The following DDX25 variants were observed in gnomAD, a reference collection of about 807,000 sequenced individuals.
DDX25 encodes DEAD-box helicase 25.
DDX25 carries 70 observed loss-of-function variants against 64.6 expected under a neutral mutation model. The observed-to-expected ratio is 1.08, with a 90% CI of 0.89 to 1.32. The LOEUF is 1.32. Among genes scored for constraint, DDX25 ranks in the 40% most tolerant of loss-of-function variants. DDX25 has a pLI of 0.00. For missense variants in DDX25, 587 were observed against 604.4 expected (o/e 0.97, Z 0.30); for synonymous variants, 211 against 213.3 (o/e 0.99, Z 0.09).
chr11:125,908,188 T>C lies in DDX25; in HGVS notation c.312-8T>C. 6.3e-7 allele frequency: 1 copy of C among 1,587,602 alleles called. No homozygotes were observed. Among genetic ancestry groups the C allele is most frequent in the Non-Finnish European group, 8.6e-7 (1 of 1,166,914 alleles). ...AATCTGTAAGTGTTTGATTTTTTTTTTTGACAGAAAGGAAGAGTTACTAAA... is the reference window on the plus strand; with the variant it reads ...AATCTGTAAGTGTTTGATTTTTTTTCTTGACAGAAAGGAAGAGTTACTAAA... On this transcript the variant is annotated splice_polypyrimidine_tract_variant and splice_region_variant and intron_variant, in intron 4 of 11. Coordinates refer to ENST00000263576, the MANE Select transcript of DDX25 (RefSeq NM_013264.5).
In DDX25 at chr11:125,910,410, G is replaced by T; in HGVS notation, c.554G>T (p.Arg185Leu). 1 of 1,613,984 alleles carries T rather than the reference G, an allele frequency of 6.2e-7. No individual in the cohort carries two copies. The highest frequency in any genetic ancestry group is 1.1e-5 in the South Asian group (1 of 91,080). Residue 185 changes from arginine (R) to leucine (L), a missense_variant, in exon 7 of 12, where the codon CGT becomes CTT. Arg to Leu is a moderately radical substitution (Grantham distance 102, BLOSUM62 -2). Transcript: ENST00000263576. ...TATGAATTGGCTCTGCAAACTGGCC[G>T]TGTGGTTGAGCAGATGGGAAAATTC... ...PTYELALQTG[R>L]VVEQMGKFCV...
At chr11:125,906,269 C>T (rs768168664) in intron 4 of DDX25, 60 bp downstream of exon 4, 1 of 1,473,882 alleles carries the variant, frequency 6.8e-7, no homozygotes, top group East Asian at 2.6e-5. Context: ...ACAAACGCAT[C>T]TGCTTATAGT....
chr11:125,914,372 C>G (rs1328888517), intron 8 of DDX25, among the ~76,000 whole-genome samples: 1 of 152,192 alleles, frequency 6.6e-6, no homozygotes, highest in Non-Finnish European at 1.5e-5. Context: ...TGCTGACATT[C>G]TGGGAGCAAG....
chr11:125,922,513 G>A, intron 11 of DDX25: 1 of 293,314 alleles, frequency 3.4e-6, no homozygotes, highest in Non-Finnish European at 6.3e-6. Context: ...CTGTCGCTAT[G>A]GTGAGCTTCT....
chr11:125,904,668 C>A, intron 1 of DDX25, 88 bp downstream of exon 1: 1 of 1,375,840 alleles, frequency 7.3e-7, no homozygotes, highest in Non-Finnish European at 9.7e-7. Flanking sequence ...AGGGAGAGCC[C>A]GCGAGCGTTC....
intron 8 of DDX25, among the ~76,000 whole-genome samples, chr11:125,915,691 A>G (rs1354556411): frequency 6.6e-6 from 1 of 152,228 alleles, no homozygotes; most frequent in Non-Finnish European, 1.5e-5. Context: ...TGTGGAATGC[A>G]GAGTTTTCCT....
chr11:125,911,438 T>G lies in DDX25; in HGVS notation c.750T>G (p.Asp250Glu). 1 of 1,614,000 alleles carries G rather than the reference T, an allele frequency of 6.2e-7. No individual in the cohort carries two copies. Among genetic ancestry groups the G allele is most frequent in the Non-Finnish European group, 8.5e-7 (1 of 1,179,874 alleles). Residue 250 changes from aspartate (D) to glutamate (E), a missense_variant, in exon 8 of 12, where the codon GAT (aspartate) becomes GAG (glutamate). Asp to Glu is a conservative substitution (Grantham distance 45, BLOSUM62 2). Transcript: ENST00000263576. Reference protein sequence around the residue: ...KIRVFVLDEADVMIDTQGFSD... With the variant: ...KIRVFVLDEAEVMIDTQGFSD... ...GTGTGTTTGTCCTGGATGAAGCAGA[T>G]GTGATGATTGACACTCAAGGATTCT...
chr11:125,910,480 T>C lies in DDX25; in HGVS notation c.622+2T>C. The C allele has an allele frequency of 6.2e-7, 1 of 1,613,512 alleles. No homozygotes were observed. ...TGTATGCCATTCGAGGGAATCGAAG[T>C]ATGTACCAGTAAGCCAGTCCTGGCT... On this transcript the variant is annotated splice_donor_variant, in intron 7 of 11. Transcript: ENST00000263576. LOFTEE classifies it high-confidence loss of function.
chr11:125,915,372 TATCTC>T, intron 8 of DDX25, among the ~76,000 whole-genome samples: 1 of 152,062 alleles, frequency 6.6e-6, no homozygotes, highest in Middle Eastern at 3.4e-3. Context: ...TGTATCAAAA[TATCTC>T]TTCAACAAGT....
chr11:125,906,542 T>G (rs1200018773), intron 4 of DDX25, among the ~76,000 whole-genome samples: 1 of 151,978 alleles, frequency 6.6e-6, no homozygotes, highest in Non-Finnish European at 1.5e-5. Flanking sequence ...AAAATATAGC[T>G]CAGGCCAGGC....
Position 125,922,976 on chromosome 11 carries a change from C to A in DDX25, c.*95C>A. 8.8e-7 allele frequency: 1 copy of A among 1,131,366 alleles called. No homozygotes were observed. Among genetic ancestry groups the A allele is most frequent in the Non-Finnish European group, 1.2e-6 (1 of 802,954 alleles). The allele number at this position is 1,131,366 out of a possible 1,614,324, so 70.1% of individuals were successfully genotyped here. ...TTTTTTTATGTTGAGGCTTTTTCGA[C>A]GTGAAACTGTCACAGATGGCAAAAT... On this transcript the variant is annotated 3_prime_UTR_variant, in exon 12 of 12. Coordinates refer to ENST00000263576, the MANE Select transcript of DDX25 (RefSeq NM_013264.5).
At chr11:125,922,641 C>G in intron 11 of DDX25, 179 bp from the exon 12 acceptor site, 1 of 523,072 alleles carries the variant, frequency 1.9e-6, no homozygotes, top group Admixed American at 3.6e-5. Context: ...ATTCCATGGT[C>G]TGGTGCATTT....
chr11:125,904,228 C>A (rs571784692), upstream of DDX25: 40 of 310,354 alleles, frequency 1.3e-4, no homozygotes, highest in Non-Finnish European at 1.9e-4. Context: ...CTCCACTCTG[C>A]GGAAGCTGCC....
chr11:125,920,378 A>G (rs538366282), intron 10 of DDX25, among the ~76,000 whole-genome samples: 1 of 152,216 alleles, frequency 6.6e-6, no homozygotes, highest in Non-Finnish European at 1.5e-5. Flanking sequence ...CAGAGGTTGC[A>G]GTGAGCCAAG....
intron 4 of DDX25, among the ~76,000 whole-genome samples, chr11:125,907,417 G>C (rs533679859): frequency 6.6e-6 from 1 of 152,112 alleles, no homozygotes; most frequent in Admixed American, 6.5e-5. Context: ...GACCATCCTG[G>C]CTAACACAGT....
In DDX25 at chr11:125,917,566, G is replaced by A. The variant is rs12794472; in HGVS notation, c.1038+315G>A. Among the ~76,000 whole-genome samples, 64,361 of 152,062 alleles carry A rather than the reference G, an allele frequency of 0.42. 13,833 individuals are homozygous for A. The highest frequency in any genetic ancestry group is 0.44 in the Non-Finnish European group (30,136 of 67,960). On this transcript the variant is annotated intron_variant, in intron 9 of 11. Coordinates refer to ENST00000263576, the MANE Select transcript of DDX25 (RefSeq NM_013264.5). The stretch of plus-strand genomic sequence containing the variant: ...AGATACCCTTTATCAGGTGAAGGAT[G>A]TTATTCACTATTAACAAAACCCCGT...
At chr11:125,917,594 TTA>T (rs1317838764) in intron 9 of DDX25, among the ~76,000 whole-genome samples, 2 of 152,228 alleles carry the variant, frequency 1.3e-5, no homozygotes, top group Admixed American at 1.3e-4. Context: ...AACCCCGTTT[TTA>T]TGTTTGTTTT....
At chr11:125,910,249 C>T in intron 6 of DDX25, 115 bp from the exon 7 acceptor site, 1 of 790,232 alleles carries the variant, frequency 1.3e-6, no homozygotes, top group Non-Finnish European at 2.1e-6. Context: ...TTCATTCAAC[C>T]AAAACCTTCA....
At chr11:125,912,006 G>C (rs1944974726) in intron 8 of DDX25, among the ~76,000 whole-genome samples, 1 of 152,218 alleles carries the variant, frequency 6.6e-6, no homozygotes, top group Non-Finnish European at 1.5e-5. Context: ...CTTACTGAAT[G>C]AGAGTTTCTG....
Sources: allele counts gnomAD v4.1 joint callset (sites outside exome capture counted in the v4.1 genomes callset), GRCh38; gene constraint gnomAD v4.1.1; transcripts MANE v1.5; gene names NCBI Gene and HGNC (gene_info 2026-07-23, HGNC 2026-07-21).